The following PIP4K2A variants were observed in gnomAD, a reference collection of about 807,000 sequenced individuals.
The protein encoded by PIP4K2A is phosphatidylinositol-5-phosphate 4-kinase type 2 alpha, also known as phosphatidylinositol 5-phosphate 4-kinase type-2 alpha.
In PIP4K2A, 14 loss-of-function variants were observed where a neutral mutation model predicts 42.9. That is an observed-to-expected ratio of 0.33 (90% confidence interval 0.22 to 0.51). PIP4K2A has a LOEUF of 0.51. PIP4K2A is among the 20% of genes least tolerant of loss of function. The probability of loss-of-function intolerance (pLI) is 0.97; values close to 1 mark genes in which losing one functional copy is unlikely to be tolerated. For missense variants in PIP4K2A, 434 were observed against 519.8 expected (o/e 0.83, Z 1.61); for synonymous variants, 192 against 192.2 (o/e 1.00, Z 0.01).
At chr10:22,564,201 G>A (rs1047915347) in intron 6 of PIP4K2A, among the ~76,000 whole-genome samples, 1 of 152,204 alleles carries the variant, frequency 6.6e-6, no homozygotes, top group Non-Finnish European at 1.5e-5. Flanking sequence ...TGCAGGAACC[G>A]TTACAGATAC....
At chr10:22,581,386 T>C (rs80342153) in intron 4 of PIP4K2A, among the ~76,000 whole-genome samples, 9,711 of 152,144 alleles carry the variant, frequency 0.064, 412 homozygotes, top group Middle Eastern at 0.15. Context: ...ACTTGCTATA[T>C]GTAGCTAAGT....
rs576789031 is a variant in PIP4K2A at position 22,651,462 on chromosome 10, G to A, written c.145-41745C>T. Among the ~76,000 whole-genome samples the A allele has an allele frequency of 1.1e-4, 17 of 152,144 alleles. No homozygotes were observed. The South Asian group carries it at 3.1e-3, about 28-fold the overall frequency. ...CCGGCCTTTGCTCTGTTCTCCCAGC[G>A]AGCCTGGGGCCTCCCACGCAGCAAC... On this transcript the variant is annotated intron_variant, in intron 1 of 9. Transcript: ENST00000376573.
intron 1 of PIP4K2A, among the ~76,000 whole-genome samples, chr10:22,660,404 G>A (rs1184729113): frequency 6.6e-6 from 1 of 152,140 alleles, no homozygotes; most frequent in Non-Finnish European, 1.5e-5. Context: ...CCGGGAGGCA[G>A]AGACTGCAGT....
At chr10:22,611,903 A>G (rs1275887992) in intron 1 of PIP4K2A, among the ~76,000 whole-genome samples, 1 of 152,216 alleles carries the variant, frequency 6.6e-6, no homozygotes, top group African/African-American at 2.4e-5. Context: ...GGGATCAGAC[A>G]CTGATTATTT....
chr10:22,544,060 T>C (rs1751609263), intron 7 of PIP4K2A, among the ~76,000 whole-genome samples: 1 of 152,188 alleles, frequency 6.6e-6, no homozygotes, highest in African/African-American at 2.4e-5. Context: ...TTAAAGCAGC[T>C]TTCCCCTCTC....
chr10:22,677,499 G>A (rs183122584), intron 1 of PIP4K2A, among the ~76,000 whole-genome samples: 1 of 152,312 alleles, frequency 6.6e-6, no homozygotes, highest in African/African-American at 2.4e-5. Context: ...ATAGCCACAA[G>A]GCAAGCATTC....
intron 1 of PIP4K2A, among the ~76,000 whole-genome samples, chr10:22,610,739 T>C (rs950612989): frequency 6.6e-5 from 10 of 152,186 alleles, no homozygotes; most frequent in Non-Finnish European, 1.2e-4. Context: ...GTTTCAACAC[T>C]TACTTGGGCC....
At chr10:22,654,716 T>A (rs1410173873) in intron 1 of PIP4K2A, among the ~76,000 whole-genome samples, 2 of 152,204 alleles carry the variant, frequency 1.3e-5, no homozygotes, top group Non-Finnish European at 2.9e-5. Flanking sequence ...ACCAGGGTTG[T>A]ATAATTCTGG....
intron 7 of PIP4K2A, among the ~76,000 whole-genome samples, chr10:22,543,174 C>G (rs529689165): frequency 1.1e-4 from 17 of 152,304 alleles, no homozygotes; most frequent in Non-Finnish European, 2.2e-4. Flanking sequence ...AGTTCTGTCT[C>G]GAAACTGAAT....
chr10:22,569,671 C>G (rs1452197455), intron 5 of PIP4K2A, among the ~76,000 whole-genome samples: 1 of 151,828 alleles, frequency 6.6e-6, no homozygotes, highest in Non-Finnish European at 1.5e-5. Flanking sequence ...GTGTGTGTGT[C>G]TGTCTGTGTC....
intron 1 of PIP4K2A, among the ~76,000 whole-genome samples, chr10:22,663,059 T>A (rs529706808): frequency 1.7e-4 from 26 of 152,330 alleles, no homozygotes; most frequent in African/African-American, 6.3e-4. Context: ...CTAGTGACAG[T>A]ATGGTGACCT....
rs116309145 is a variant in PIP4K2A at position 22,624,489 on chromosome 10, A to G, written c.145-14772T>C. 9.3e-3 allele frequency among the ~76,000 whole-genome samples: 1,409 copies of G among 152,322 alleles called. 15 individuals carry two copies. Among genetic ancestry groups the G allele is most frequent in the African/African-American group, 0.032 (1,321 of 41,578 alleles). On this transcript the variant is annotated intron_variant, in intron 1 of 9. Coordinates refer to ENST00000376573, the MANE Select transcript of PIP4K2A (RefSeq NM_005028.5). ...ATTCTAACATTTCTCTGCTTCGGGT[A>G]TTTGCTAACTTATTTCCTGTATTCA... is the stretch of plus-strand genomic sequence containing the variant.
At chr10:22,605,420 A>G (rs1837885032) in intron 3 of PIP4K2A, among the ~76,000 whole-genome samples, 1 of 152,242 alleles carries the variant, frequency 6.6e-6, no homozygotes, top group Non-Finnish European at 1.5e-5. Context: ...ACTGACTTCA[A>G]TATCAACTTA....
intron 3 of PIP4K2A, among the ~76,000 whole-genome samples, chr10:22,604,617 T>C (rs1837866970): frequency 6.6e-6 from 1 of 152,110 alleles, no homozygotes; most frequent in Non-Finnish European, 1.5e-5. Context: ...TCCAAGTCAG[T>C]TGGGAAAGAG....
At chr10:22,682,453 C>T (rs2130881722) in intron 1 of PIP4K2A, among the ~76,000 whole-genome samples, 1 of 152,176 alleles carries the variant, frequency 6.6e-6, no homozygotes, top group Admixed American at 6.5e-5. Flanking sequence ...CATGCTATTC[C>T]TAATATAGTG....
chr10:22,605,719 T>C (rs1409950441), intron 3 of PIP4K2A, among the ~76,000 whole-genome samples: 1 of 151,978 alleles, frequency 6.6e-6, no homozygotes, highest in Non-Finnish European at 1.5e-5. Context: ...ATTGTTTTAT[T>C]AAAACAAAAC....
At chr10:22,582,654 T>C (rs771290437) in intron 4 of PIP4K2A, among the ~76,000 whole-genome samples, 3 of 152,114 alleles carry the variant, frequency 2.0e-5, no homozygotes, top group Non-Finnish European at 2.9e-5. Flanking sequence ...GGGCTATGTT[T>C]AGAGATTATT....
rs767645615 is a variant in PIP4K2A at position 22,591,667 on chromosome 10, C to G, written c.454G>C (p.Val152Leu). 1 of 1,611,402 alleles carries G rather than the reference C, an allele frequency of 6.2e-7. No individual in the cohort carries two copies. Among genetic ancestry groups the G allele is most frequent in the Non-Finnish European group, 8.5e-7 (1 of 1,178,560 alleles). ...YIIKTITSED[V>L]AEMHNILKKY... ...TTCAGGATGTTGTGCATTTCGGCCA[C>G]GTCTTCACTGGTAATAGTCTTGATG... The change falls in exon 4 of 10, where the codon GTG (valine) becomes CTG (leucine). Residue 152 changes from valine (V) to leucine (L), a missense_variant. By Grantham distance (32) the Val-to-Leu change is conservative. Coordinates refer to ENST00000376573, the MANE Select transcript of PIP4K2A (RefSeq NM_005028.5).
chr10:22,565,267 C>G (rs1303755521), intron 6 of PIP4K2A, among the ~76,000 whole-genome samples: 1 of 152,228 alleles, frequency 6.6e-6, no homozygotes, highest in African/African-American at 2.4e-5. Flanking sequence ...CTGGATATCT[C>G]TGTTCTGACG....
Sources: allele counts gnomAD v4.1 joint callset (sites outside exome capture counted in the v4.1 genomes callset), GRCh38; gene constraint gnomAD v4.1.1; transcripts MANE v1.5; gene names NCBI Gene and HGNC (gene_info 2026-07-23, HGNC 2026-07-21).